The following SOD2 variants were observed in gnomAD, a reference collection of about 807,000 sequenced individuals.
SOD2 encodes the protein superoxide dismutase 2.
A neutral mutation model predicts 27.0 loss-of-function variants in SOD2; 11 were observed. That is an observed-to-expected ratio of 0.41 (90% CI 0.26 to 0.67). The LOEUF (loss-of-function observed/expected upper bound fraction) is 0.67, where lower values mean the gene tolerates loss of function less well. Among genes scored for constraint, SOD2 ranks in the 30% least tolerant of loss-of-function variants. The pLI, the probability that SOD2 is intolerant of heterozygous loss-of-function variation, is 0.34. For synonymous variants in SOD2, 105 were observed against 103.0 expected (o/e 1.02, Z -0.12); for missense variants, 250 against 274.5 (o/e 0.91, Z 0.63).
At chr6:159,761,973 G>T (rs751218034) in exon 1 of SOD2, 5 of 1,218,144 alleles carry the variant, frequency 4.1e-6, no homozygotes, top group Non-Finnish European at 5.9e-6. Flanking sequence ...CGGGGAGGTG[G>T]AGGGCGAGGG....
At chr6:159,689,037 C>T (rs1282614694) in intron 2 of SOD2, among the ~76,000 whole-genome samples, 1 of 152,208 alleles carries the variant, frequency 6.6e-6, no homozygotes, top group Non-Finnish European at 1.5e-5. Context: ...GCCTTGCCCC[C>T]TCCAAAGGCT....
intron 1 of SOD2, chr6:159,739,068 A>C (rs772205248): frequency 1.3e-6 from 2 of 1,589,676 alleles, no homozygotes; most frequent in Non-Finnish European, 1.7e-6. Context: ...CTGTTCAAAA[A>C]CAAAGTCTTT....
At chr6:159,761,642 C>T (rs1341178638) in exon 1 of SOD2, 1 of 450,174 alleles carries the variant, frequency 2.2e-6, no homozygotes, top group African/African-American at 2.0e-5. Flanking sequence ...CTGAGCTGAA[C>T]GAGAGATAAG....
At chr6:159,718,596 A>G (rs1777968753) in intron 1 of SOD2, among the ~76,000 whole-genome samples, 1 of 152,170 alleles carries the variant, frequency 6.6e-6, no homozygotes, top group Non-Finnish European at 1.5e-5. Context: ...ACTAAATCTG[A>G]AAGATTAGAT....
rs1779696686 is a variant in SOD2, at chr6:159,672,815, A to C, written c.*9678T>G. ...AGACTGGCACACTGGATAAAGAGTC[A>C]AGACCCATCAGGGTGCTGTATTCAG... On this transcript the variant is annotated 3_prime_UTR_variant, in exon 5 of 5. Transcript: ENST00000538183. 1.3e-5 allele frequency: 2 copies of C among 152,166 alleles called. No individual in the cohort carries two copies. Among genetic ancestry groups the C allele is most frequent in the South Asian group, 4.1e-4 (2 of 4,828 alleles). 9.4% of individuals were successfully genotyped at this position (152,166 alleles called of 1,614,324 possible).
intron 1 of SOD2, among the ~76,000 whole-genome samples, chr6:159,734,802 T>C (rs1778803989): frequency 6.6e-6 from 1 of 152,190 alleles, no homozygotes; most frequent in African/African-American, 2.4e-5. Flanking sequence ...AGAATTTTTA[T>C]ATAAAGATTT....
At chr6:159,717,897 ATGTGTGTG>A (rs66742481) in intron 1 of SOD2, among the ~76,000 whole-genome samples, 21,223 of 149,422 alleles carry the variant, frequency 0.14, 1,943 homozygotes, top group Non-Finnish European at 0.21. Flanking sequence ...ATGTATGGAT[ATGTGTGTG>A]TGTGTGTGTG....
At chr6:159,733,511 A>G (rs926701546) in intron 1 of SOD2, among the ~76,000 whole-genome samples, 9 of 151,964 alleles carry the variant, frequency 5.9e-5, no homozygotes, top group Non-Finnish European at 1.3e-4. Flanking sequence ...AGTCCCAGGT[A>G]CTCGGGAGGC....
chr6:159,727,509 C>T (rs975300432), upstream of SOD2: 193 of 992,768 alleles, frequency 1.9e-4, no homozygotes, highest in Non-Finnish European at 2.2e-4. Flanking sequence ...TGGTTTCCTC[C>T]CTCAGCGCCA....
At chr6:159,683,824 A>G (rs1272871442) in intron 4 of SOD2, among the ~76,000 whole-genome samples, 1 of 152,122 alleles carries the variant, frequency 6.6e-6, no homozygotes, top group Non-Finnish European at 1.5e-5. Context: ...CACTGTCCCA[A>G]AAGAGCTGTT....
upstream of SOD2, among the ~76,000 whole-genome samples, chr6:159,746,682 G>A (rs763368474): frequency 1.7e-4 from 26 of 152,016 alleles, no homozygotes; most frequent in Non-Finnish European, 2.6e-4. Context: ...TTATTTTGTT[G>A]GTAAGTAAAA....
At chr6:159,761,894 G>A (rs1341088829) in exon 1 of SOD2, 22 of 354,072 alleles carry the variant, frequency 6.2e-5, no homozygotes, top group Non-Finnish European at 1.0e-4. Context: ...CCCGCGCCCC[G>A]CGCGCCTCCG....
At chr6:159,715,351 G>A (rs146555125) in intron 1 of SOD2, among the ~76,000 whole-genome samples, 3 of 152,270 alleles carry the variant, frequency 2.0e-5, no homozygotes, top group Non-Finnish European at 4.4e-5. Flanking sequence ...GTGGTCAACA[G>A]TAGAACCATT....
intron 1 of SOD2, among the ~76,000 whole-genome samples, chr6:159,722,123 C>T (rs2114839781): frequency 6.6e-6 from 1 of 151,752 alleles, no homozygotes; most frequent in South Asian, 2.1e-4. Flanking sequence ...CATGCCTGTA[C>T]TCCCAGCGCT....
chr6:159,741,170 A>G (rs1389982440), intron 1 of SOD2, among the ~76,000 whole-genome samples: 1 of 152,186 alleles, frequency 6.6e-6, no homozygotes, highest in East Asian at 1.9e-4. Context: ...GAACTGCCTA[A>G]TAAGACTAGG....
intron 1 of SOD2, among the ~76,000 whole-genome samples, chr6:159,712,618 G>GACCACCATAACC (rs1777842713): frequency 7.0e-6 from 1 of 142,698 alleles, no homozygotes; most frequent in Non-Finnish European, 1.5e-5. Flanking sequence ...CAGCTGCTCT[G>GACCACCATAACC]ACCTCCATAA....
At chr6:159,689,573 TA>T (rs779939506) in intron 2 of SOD2, among the ~76,000 whole-genome samples, 5 of 152,332 alleles carry the variant, frequency 3.3e-5, no homozygotes, top group Non-Finnish European at 7.3e-5. Flanking sequence ...AGAAGCAAAG[TA>T]AAGGACACAG....
chr6:159,717,965 T>C (rs1249113204), intron 1 of SOD2, among the ~76,000 whole-genome samples: 2 of 151,168 alleles, frequency 1.3e-5, no homozygotes, highest in East Asian at 3.9e-4. Flanking sequence ...ACATACACAA[T>C]TTTTTTTTCT....
At chr6:159,755,749 G>GTTTTTTTTTTTTTTTGT (rs1402868444) in intron 1 of SOD2, 2 of 300,290 alleles carry the variant, frequency 6.7e-6, no homozygotes, top group South Asian at 1.9e-4. Flanking sequence ...TTTTTTCTTT[G>GTTTTTTTTTTTTTTTGT]TTTTTTTTTT....
Sources: gnomAD v4.1 joint callset for allele counts (sites outside exome capture counted in the v4.1 genomes callset) on GRCh38, gnomAD v4.1.1 for gene constraint, MANE v1.5 for transcripts, NCBI Gene and HGNC (gene_info 2026-07-23, HGNC 2026-07-21) for gene names.